The following NOL10 variants were observed in gnomAD, a reference collection of about 807,000 sequenced individuals.
The protein encoded by NOL10 is nucleolar protein 10, also known as H_NH0074G24.1.
Under a neutral mutation model 103.5 loss-of-function variants are expected in NOL10, and 58 were observed. The observed-to-expected ratio is 0.56, with a 90% CI of 0.45 to 0.70. The LOEUF (loss-of-function observed/expected upper bound fraction) is 0.70, where lower values mean the gene tolerates loss of function less well. NOL10 is among the 30% of genes least tolerant of loss of function. NOL10 has a pLI of 0.00. For synonymous variants in NOL10, 287 were observed against 282.5 expected, an observed-to-expected ratio of 1.02 and a Z score of -0.16; for missense variants, 763 against 807.3, an observed-to-expected ratio of 0.95 and a Z score of 0.67.
intron 3 of NOL10, among the ~76,000 whole-genome samples, chr2:10,678,317 G>A (rs1338412458): frequency 2.6e-5 from 4 of 151,572 alleles, no homozygotes; most frequent in South Asian, 4.2e-4. Flanking sequence ...CTCCCAAAGT[G>A]CAGGGATTAT....
intron 19 of NOL10, among the ~76,000 whole-genome samples, chr2:10,581,855 A>C (rs1307449901): frequency 6.6e-6 from 1 of 152,194 alleles, no homozygotes; most frequent in Non-Finnish European, 1.5e-5. Flanking sequence ...CATTCATGTT[A>C]AAGAAAAAAA....
At chr2:10,659,336 T>A in intron 9 of NOL10, 86 bp from the exon 10 acceptor site, 2 of 200,686 alleles carry the variant, frequency 1.0e-5, no homozygotes, top group Non-Finnish European at 1.1e-5. Context: ...TCACTTCAAA[T>A]CTAATGGGGG....
rs1425222479 is a variant in NOL10, at chr2:10,577,625, A to G, written c.1947+11T>C. On this transcript the variant is annotated intron_variant, in intron 20 of 20. Coordinates refer to ENST00000381685, the MANE Select transcript of NOL10 (RefSeq NM_024894.4). ...TTGTGAATTAAAAAATAACAATAAA[A>G]GACAACTCACCCTCTTTAACGTGAA... 4 of 1,587,074 alleles carry G rather than the reference A, an allele frequency of 2.5e-6. No homozygotes were observed. The highest frequency in any genetic ancestry group is 3.5e-6 in the Non-Finnish European group (4 of 1,159,086).
chr2:10,636,251 C>T (rs766373263), intron 13 of NOL10, among the ~76,000 whole-genome samples: 4 of 151,940 alleles, frequency 2.6e-5, no homozygotes, highest in Non-Finnish European at 5.9e-5. Context: ...ACTAAAACAA[C>T]ATATACTCTG....
chr2:10,600,895 T>A lies in NOL10; in HGVS notation c.1380A>T (p.Glu460Asp). ...ATGTAGATTTCTGCTTCTCCTCTTC[T>A]TCCTCAATTAATTTAAGTGCCAGCT... ...NKELALKLIEEEEEKQKSTWK... is the reference protein window; with the variant it reads ...NKELALKLIEDEEEKQKSTWK... The change falls in exon 17 of 21, where the codon GAA becomes GAT. Residue 460 changes from glutamate (E) to aspartate (D), a missense_variant. Transcript: ENST00000381685. The A allele has an allele frequency of 6.4e-7, 1 of 1,557,870 alleles. No homozygotes were observed. Among genetic ancestry groups the A allele is most frequent in the Non-Finnish European group, 8.7e-7 (1 of 1,149,586 alleles).
intron 13 of NOL10, among the ~76,000 whole-genome samples, chr2:10,608,469 G>A (rs932800635): frequency 1.3e-5 from 2 of 152,014 alleles, no homozygotes; most frequent in Non-Finnish European, 1.5e-5. Flanking sequence ...AGGAAACCTT[G>A]GCTCAGTCAA....
chr2:10,606,714 G>A (rs1407405003), intron 14 of NOL10, among the ~76,000 whole-genome samples: 1 of 151,200 alleles, frequency 6.6e-6, no homozygotes, highest in African/African-American at 2.4e-5. Context: ...CAAACATAAA[G>A]TAACTATTAA....
intron 5 of NOL10, 102 bp from the exon 6 acceptor site, chr2:10,671,792 T>C: frequency 1.3e-6 from 1 of 778,850 alleles, no homozygotes; most frequent in Non-Finnish European, 2.0e-6. Flanking sequence ...CTTACCTCTC[T>C]CTCACTTTCT....
intron 13 of NOL10, among the ~76,000 whole-genome samples, chr2:10,637,414 C>T (rs959194742): frequency 6.6e-6 from 1 of 152,164 alleles, no homozygotes; most frequent in African/African-American, 2.4e-5. Context: ...ATCTCCCTGA[C>T]AACCCCTAAA....
rs537524604 is a variant in NOL10 at position 10,642,426 on chromosome 2, A to G, written c.1026+1894T>C. Among the ~76,000 whole-genome samples, 13 of 152,270 alleles carry G rather than the reference A, an allele frequency of 8.5e-5. No homozygotes were observed. The East Asian group carries it at 2.5e-3, about 29-fold the overall frequency. Reference sequence around the variant, plus strand: ...GTCCAGATTAGAGCCTGTTTAATGCATTCCCCTGCGGCAGCAAAAGTAATC... The same window carrying G: ...GTCCAGATTAGAGCCTGTTTAATGCGTTCCCCTGCGGCAGCAAAAGTAATC... On this transcript the variant is annotated intron_variant, in intron 13 of 20. Transcript: ENST00000381685.
At chr2:10,628,708 T>C (rs1022775398) in intron 13 of NOL10, among the ~76,000 whole-genome samples, 30 of 152,136 alleles carry the variant, frequency 2.0e-4, no homozygotes, top group African/African-American at 6.8e-4. Flanking sequence ...GACTACGTCA[T>C]ACCAAAAAAT....
chr2:10,664,787 G>C (rs939753310), intron 8 of NOL10, among the ~76,000 whole-genome samples: 1 of 152,126 alleles, frequency 6.6e-6, no homozygotes, highest in African/African-American at 2.4e-5. Context: ...CCACCCACTC[G>C]CACTTCCAAA....
intron 3 of NOL10, among the ~76,000 whole-genome samples, chr2:10,676,522 C>A (rs915164086): frequency 2.0e-5 from 3 of 152,158 alleles, no homozygotes; most frequent in African/African-American, 7.2e-5. Flanking sequence ...ACATGGAAAG[C>A]TGCCAAAACG....
chr2:10,638,052 TG>T (rs1173864816), intron 13 of NOL10, among the ~76,000 whole-genome samples: 1 of 152,176 alleles, frequency 6.6e-6, no homozygotes. Flanking sequence ...GAGGCCAACG[TG>T]GGAGGATCGC....
At chr2:10,593,509 T>C (rs902576403) in intron 17 of NOL10, among the ~76,000 whole-genome samples, 24 of 152,254 alleles carry the variant, frequency 1.6e-4, no homozygotes, top group Non-Finnish European at 3.2e-4. Flanking sequence ...GTAAAGATGG[T>C]GGCTTGAACA....
chr2:10,675,467 G>A (rs1352103741), intron 4 of NOL10, among the ~76,000 whole-genome samples: 2 of 151,888 alleles, frequency 1.3e-5, no homozygotes, highest in African/African-American at 4.8e-5. Flanking sequence ...TGGGGGGGGT[G>A]CATTCTCTGA....
chr2:10,575,098 G>A (rs1025501345), intron 20 of NOL10, among the ~76,000 whole-genome samples: 3 of 152,218 alleles, frequency 2.0e-5, no homozygotes, highest in Admixed American at 6.5e-5. Flanking sequence ...ACAGCCTCCA[G>A]CACTCCTGTC....
In NOL10 at chr2:10,620,476, G is replaced by A. The variant is rs1677080930; in HGVS notation, c.1027-13165C>T. Among the ~76,000 whole-genome samples, 7 of 152,082 alleles carry A rather than the reference G, an allele frequency of 4.6e-5. No homozygotes were observed. The South Asian group carries it at 8.3e-4, about 18-fold the overall frequency. On this transcript the variant is annotated intron_variant, in intron 13 of 20. Coordinates refer to ENST00000381685, the MANE Select transcript of NOL10 (RefSeq NM_024894.4). ...TTATCTTGGGGAGGCGGTCATGCAC[G>A]GAACTAGGAAATCCTGAAGAACGTA...
At chr2:10,630,447 T>G (rs558088497) in intron 13 of NOL10, among the ~76,000 whole-genome samples, 14 of 152,292 alleles carry the variant, frequency 9.2e-5, no homozygotes, top group Non-Finnish European at 1.8e-4. Flanking sequence ...GCGCGATGGC[T>G]CACACCTATA....
Sources: gnomAD v4.1 joint callset for allele counts (sites outside exome capture counted in the v4.1 genomes callset) on GRCh38, gnomAD v4.1.1 for gene constraint, MANE v1.5 for transcripts, NCBI Gene and HGNC (gene_info 2026-07-23, HGNC 2026-07-21) for gene names.